CUX1: variants seen among roughly 807,000 people sequenced by gnomAD.
The protein encoded by CUX1 is cut like homeobox 1, also known as protein CASP.
Under a neutral mutation model 158.8 loss-of-function variants are expected in CUX1, and 31 were observed. The ratio of observed to expected loss-of-function variants is 0.20; its 90% CI spans 0.15 to 0.26. The LOEUF (loss-of-function observed/expected upper bound fraction) is 0.26, where lower values mean the gene tolerates loss of function less well. Among genes scored for constraint, CUX1 ranks in the 10% least tolerant of loss-of-function variants. The pLI is 1.00. For synonymous variants in CUX1, 879 were observed against 862.1 expected (o/e 1.02, Z -0.34); for missense variants, 1,589 against 2,014.6 (o/e 0.79, Z 4.04).
intron 8 of CUX1, among the ~76,000 whole-genome samples, chr7:102,150,642 G>A (rs1470927177): frequency 6.6e-6 from 1 of 152,218 alleles, no homozygotes; most frequent in Non-Finnish European, 1.5e-5. Context: ...CCACGCGTTA[G>A]CCCCCAGGAG....
intron 21 of CUX1, 101 bp downstream of exon 21, chr7:102,227,770 A>G: frequency 8.4e-7 from 1 of 1,190,858 alleles, no homozygotes; most frequent in Non-Finnish European, 1.2e-6. Flanking sequence ...CAGAGTCTCA[A>G]CTTGTGTAGG....
chr7:102,090,678 C>T lies in CUX1; in HGVS notation c.269-6686C>T, dbSNP rs374616679. Among the ~76,000 whole-genome samples the T allele has an allele frequency of 2.4e-3, 342 of 143,010 alleles. 2 individuals carry two copies. Among genetic ancestry groups the T allele is most frequent in the African/African-American group, 8.9e-3 (327 of 36,674 alleles). The allele number at this position is 143,010 out of a possible 152,430, so 93.8% of individuals were successfully genotyped here. A position where few individuals can be genotyped will look rare whatever the true frequency, so the allele number is the denominator to read the frequency against. ...CTGGGATTACAGGCGTGAGCCACCG[C>T]ACCCCGCCTCTTTTTTTTTTTTTTT... On this transcript the variant is annotated intron_variant, in intron 4 of 23. Coordinates refer to ENST00000292535, the MANE Select transcript of CUX1 (RefSeq NM_181552.4).
chr7:101,901,174 A>C (rs184574650), intron 1 of CUX1, among the ~76,000 whole-genome samples: 1 of 152,104 alleles, frequency 6.6e-6, no homozygotes, highest in Non-Finnish European at 1.5e-5. Context: ...ACTGCTTCCT[A>C]GGGCCCAGTA....
At chr7:102,194,597 A>G (rs1051801940) in intron 13 of CUX1, among the ~76,000 whole-genome samples, 9 of 146,834 alleles carry the variant, frequency 6.1e-5, no homozygotes, top group African/African-American at 1.5e-4. Flanking sequence ...GAGACTGACT[A>G]TTTTTTTTTT....
In CUX1 at chr7:102,249,240, C is replaced by T. The variant is rs868954303; in HGVS notation, c.*198C>T. On this transcript the variant is annotated 3_prime_UTR_variant, in exon 24 of 24. Transcript: ENST00000292535. ...GACCCGAGGCCCAGATCCAAGGCCG[C>T]GGCCCAGACCCACTCTGCGGCCCGG... is the stretch of plus-strand genomic sequence containing the variant. The T allele has an allele frequency of 5.3e-5, 57 of 1,084,182 alleles. No individual in the cohort carries two copies. In the South Asian group the frequency reaches 7.7e-4, roughly 15 times the overall value. 67.2% of individuals were successfully genotyped at this position (1,084,182 alleles called of 1,614,324 possible).
At chr7:101,934,970 A>C (rs1806743198) in intron 2 of CUX1, among the ~76,000 whole-genome samples, 1 of 152,002 alleles carries the variant, frequency 6.6e-6, no homozygotes, top group South Asian at 2.1e-4. Context: ...CACGTATAGG[A>C]GTGGATGGAG....
chr7:102,216,687 C>A (rs112878946), intron 20 of CUX1, among the ~76,000 whole-genome samples: 18 of 113,782 alleles, frequency 1.6e-4, no homozygotes, highest in East Asian at 5.0e-4. Context: ...ACACACTCCC[C>A]CACACACACT....
chr7:101,977,616 C>A (rs903176002), intron 2 of CUX1, among the ~76,000 whole-genome samples: 5 of 151,924 alleles, frequency 3.3e-5, no homozygotes, highest in Admixed American at 2.0e-4. Context: ...GTACTCCAGC[C>A]TGGGCAACAG....
At chr7:102,173,133 G>A (rs2131715405) in intron 10 of CUX1, among the ~76,000 whole-genome samples, 1 of 152,240 alleles carries the variant, frequency 6.6e-6, no homozygotes, top group South Asian at 2.1e-4. Context: ...GCCGAGGCGG[G>A]CAGATCACCT....
intron 8 of CUX1, among the ~76,000 whole-genome samples, chr7:102,140,230 G>A (rs1834296598): frequency 6.6e-6 from 1 of 151,852 alleles, no homozygotes; most frequent in African/African-American, 2.4e-5. Context: ...ATGTGGGTTT[G>A]TTTTTTTGTT....
intron 1 of CUX1, among the ~76,000 whole-genome samples, chr7:101,836,241 C>T (rs1388501424): frequency 2.0e-5 from 3 of 152,200 alleles, no homozygotes; most frequent in Admixed American, 6.5e-5. Context: ...CCATCTCTCT[C>T]TCTTCTGCCT....
At chr7:101,964,065 G>C (rs1810837009) in intron 2 of CUX1, among the ~76,000 whole-genome samples, 1 of 152,122 alleles carries the variant, frequency 6.6e-6, no homozygotes, top group Non-Finnish European at 1.5e-5. Context: ...GAAATGACAA[G>C]GCGGTACCGG....
chr7:102,283,778 C>T (rs1180332790), exon 23 of CUX1: 2 of 152,682 alleles, frequency 1.3e-5, no homozygotes, highest in Non-Finnish European at 2.9e-5. Flanking sequence ...AGCCCCCGAG[C>T]CCCAGTCTCT....
intron 14 of CUX1, among the ~76,000 whole-genome samples, chr7:102,268,125 C>T (rs1258062353): frequency 6.6e-6 from 1 of 152,176 alleles, no homozygotes; most frequent in African/African-American, 2.4e-5. Context: ...GACTCCTTTT[C>T]TGAGCCCCTT....
chr7:101,895,712 G>T (rs1343724179), intron 1 of CUX1, among the ~76,000 whole-genome samples: 1 of 152,142 alleles, frequency 6.6e-6, no homozygotes, highest in East Asian at 1.9e-4. Flanking sequence ...ATGGCTGCCT[G>T]TAGTCAGCTG....
chr7:101,975,537 C>G (rs575627888), intron 2 of CUX1, among the ~76,000 whole-genome samples: 2 of 152,056 alleles, frequency 1.3e-5, no homozygotes, highest in African/African-American at 4.8e-5. Context: ...ACCTGGGTGA[C>G]AGAACGAGAC....
intron 2 of CUX1, among the ~76,000 whole-genome samples, chr7:101,973,087 G>A (rs987769649): frequency 1.3e-5 from 2 of 152,164 alleles, no homozygotes; most frequent in East Asian, 3.8e-4. Flanking sequence ...GTACATTTCA[G>A]GAGAGAAGAA....
At chr7:102,106,391 G>A (rs1319325455) in intron 6 of CUX1, among the ~76,000 whole-genome samples, 1 of 151,998 alleles carries the variant, frequency 6.6e-6, no homozygotes, top group African/African-American at 2.4e-5. Context: ...CCCGGCTCTT[G>A]GTGAATTTTT....
chr7:101,929,398 C>T (rs1445378885), intron 2 of CUX1, among the ~76,000 whole-genome samples: 1 of 152,080 alleles, frequency 6.6e-6, no homozygotes, highest in African/African-American at 2.4e-5. Flanking sequence ...TGAAGCTATT[C>T]TTTGAGAGTA....
Sources: gnomAD v4.1 joint callset for allele counts (sites outside exome capture counted in the v4.1 genomes callset) on GRCh38, gnomAD v4.1.1 for gene constraint, MANE v1.5 for transcripts, NCBI Gene and HGNC (gene_info 2026-07-23, HGNC 2026-07-21) for gene names.